The following SORBS2 variants were observed in gnomAD, a reference collection of about 807,000 sequenced individuals.
SORBS2 encodes sorbin and SH3 domain-containing protein 2.
In SORBS2, 46 loss-of-function variants were observed where a neutral mutation model predicts 97.7. The ratio of observed to expected loss-of-function variants is 0.47; its 90% CI spans 0.37 to 0.60. SORBS2 has a LOEUF of 0.60. Ranked by LOEUF, SORBS2 falls within the 20% of genes least tolerant of loss-of-function variation. The pLI, the probability that SORBS2 is intolerant of heterozygous loss-of-function variation, is 0.00. For missense variants in SORBS2, 1,316 were observed against 1,282.3 expected (o/e 1.03, Z -0.40); for synonymous variants, 476 against 473.4 (o/e 1.01, Z -0.07).
chr4:185,614,986 C>T, intron 10 of SORBS2, 27 bp from the exon 23 acceptor site: 1 of 1,614,136 alleles, frequency 6.2e-7, no homozygotes, highest in Non-Finnish European at 8.5e-7. Flanking sequence ...CATTTATTCT[C>T]AAATCTGCGG....
At chr4:185,726,896 C>T (rs1003550430) in intron 2 of SORBS2, among the ~76,000 whole-genome samples, 9 of 152,132 alleles carry the variant, frequency 5.9e-5, no homozygotes, top group Non-Finnish European at 1.3e-4. Context: ...GGGCATGCAT[C>T]TTTAAATAGG....
At chr4:185,624,335 G>A in exon 7 of SORBS2, 4 of 1,614,174 alleles carry the variant, frequency 2.5e-6, no homozygotes, top group Non-Finnish European at 3.4e-6. Flanking sequence ...GTTTTGCCGG[G>A]CCATTTGCCA....
intron 1 of SORBS2, among the ~76,000 whole-genome samples, chr4:185,894,916 G>A (rs919010891): frequency 1.3e-5 from 2 of 152,204 alleles, no homozygotes; most frequent in East Asian, 1.9e-4. Context: ...ATGATCACAC[G>A]GGGAGCCAGT....
At chr4:185,715,407 A>G (rs2098457635) in intron 2 of SORBS2, among the ~76,000 whole-genome samples, 3 of 152,170 alleles carry the variant, frequency 2.0e-5, no homozygotes, top group Admixed American at 2.0e-4. Context: ...CCCTATGAAA[A>G]GGCCAAAGGA....
chr4:185,834,807 A>G (rs1002070352), intron 1 of SORBS2, among the ~76,000 whole-genome samples: 2 of 152,226 alleles, frequency 1.3e-5, no homozygotes, highest in Admixed American at 6.5e-5. Flanking sequence ...ATTGTTTTTC[A>G]AAGCATATTC....
intron 1 of SORBS2, among the ~76,000 whole-genome samples, chr4:185,904,219 A>G (rs2099249399): frequency 6.6e-6 from 1 of 152,188 alleles, no homozygotes; most frequent in African/African-American, 2.4e-5. Context: ...CCTAATGTCT[A>G]CCACCCTTAC....
At chr4:185,774,866 CTCT>C (rs941148804) in intron 2 of SORBS2, 2 of 67,816 alleles carry the variant, frequency 2.9e-5, no homozygotes, top group Non-Finnish European at 6.6e-5. Context: ...CATCTTTTTC[CTCT>C]TTTTTTTTTT....
intron 1 of SORBS2, among the ~76,000 whole-genome samples, chr4:185,848,815 C>A (rs192269815): frequency 6.6e-6 from 1 of 151,550 alleles, no homozygotes; most frequent in South Asian, 2.1e-4. Flanking sequence ...TTTTATCTGA[C>A]GGTTAAGTCT....
intron 1 of SORBS2, among the ~76,000 whole-genome samples, chr4:185,929,875 A>G (rs2099265606): frequency 1.3e-5 from 2 of 152,120 alleles, no homozygotes; most frequent in Admixed American, 1.3e-4. Context: ...CGTGTGTGAC[A>G]CTATGGGTTG....
At chr4:185,848,618 CTTTTTTTTTTTTTTTTTTTTTTTT>C (rs537195530) in intron 1 of SORBS2, among the ~76,000 whole-genome samples, 8 of 75,636 alleles carry the variant, frequency 1.1e-4, no homozygotes, top group African/African-American at 2.3e-4. Context: ...AAGGATATCT[CTTTTTTTTTTTTTTTTTTTTTTTT>C]TTTTTTTTTT....
At chr4:185,805,160 TTATC>T (rs1439285154) in intron 1 of SORBS2, among the ~76,000 whole-genome samples, 1 of 152,176 alleles carries the variant, frequency 6.6e-6, no homozygotes, top group Non-Finnish European at 1.5e-5. Flanking sequence ...CATTTGAGCT[TTATC>T]TATGCTTCTG....
At chr4:185,591,398 G>A (rs1378257437) in intron 13 of SORBS2, among the ~76,000 whole-genome samples, 1 of 152,196 alleles carries the variant, frequency 6.6e-6, no homozygotes, top group Non-Finnish European at 1.5e-5. Flanking sequence ...GCAGAGAAAG[G>A]CAGCTAGCAT....
At chr4:185,783,512 T>G (rs1203394953) in intron 1 of SORBS2, among the ~76,000 whole-genome samples, 1 of 152,158 alleles carries the variant, frequency 6.6e-6, no homozygotes. Flanking sequence ...GTATAGTATA[T>G]TATAGAGAAG....
In SORBS2 at chr4:185,606,391, T is replaced by A; in HGVS notation, c.2796+5389A>T. The A allele has an allele frequency of 3.1e-6, 3 of 963,518 alleles. No individual in the cohort carries two copies. The highest frequency in any genetic ancestry group is 3.7e-6 in the Non-Finnish European group (3 of 810,040). The allele number at this position is 963,518 out of a possible 1,614,324, so 59.7% of individuals were successfully genotyped here. A position where few individuals can be genotyped will look rare whatever the true frequency, so the allele number is the denominator to read the frequency against. ...AGAAAAATGGGATAATGGAATTATA[T>A]CACATATTTACATCATTTAATTAAA... is the stretch of plus-strand genomic sequence containing the variant. On this transcript the variant is annotated intron_variant, in intron 12 of 14. Transcript: ENST00000418609. This position sits in a 1 kb window ranked among gnomAD's most constrained non-coding sequence, Gnocchi z 4.3.
intron 2 of SORBS2, among the ~76,000 whole-genome samples, chr4:185,749,474 T>C (rs777628228): frequency 6.6e-6 from 1 of 152,108 alleles, no homozygotes; most frequent in Non-Finnish European, 1.5e-5. Flanking sequence ...AAAAAACTTT[T>C]AAGATGAAAT....
At chr4:185,843,915 C>T (rs548958823) in intron 1 of SORBS2, among the ~76,000 whole-genome samples, 1 of 152,278 alleles carries the variant, frequency 6.6e-6, no homozygotes, top group East Asian at 1.9e-4. Context: ...ATAGCCTAAG[C>T]AATGTTGAGA....
chr4:185,754,605 G>A (rs2098820135), intron 2 of SORBS2, among the ~76,000 whole-genome samples: 1 of 152,132 alleles, frequency 6.6e-6, no homozygotes, highest in African/African-American at 2.4e-5. Context: ...TTCCAACTGT[G>A]TACAGTCGGC....
chr4:185,643,487 A>G (rs2153451285), intron 4 of SORBS2, among the ~76,000 whole-genome samples: 1 of 152,306 alleles, frequency 6.6e-6, no homozygotes, highest in South Asian at 2.1e-4. Context: ...TTTGAGCTGG[A>G]GGTTTTATAA....
chr4:185,606,392 C>T lies in SORBS2; in HGVS notation c.2796+5388G>A, dbSNP rs2096419137. On this transcript the variant is annotated intron_variant, in intron 12 of 14. Coordinates refer to ENST00000418609, the Ensembl canonical transcript of SORBS2. The surrounding 1 kb of genome is among the most constrained non-coding windows in gnomAD (Gnocchi z 4.3). ...GAAAAATGGGATAATGGAATTATAT[C>T]ACATATTTACATCATTTAATTAAAT... 2 of 960,206 alleles carry T rather than the reference C, an allele frequency of 2.1e-6. No homozygotes were observed. Among genetic ancestry groups the T allele is most frequent in the South Asian group, 4.8e-5 (1 of 20,706 alleles). 59.5% of individuals were successfully genotyped at this position (960,206 alleles called of 1,614,324 possible).
Sources: allele counts gnomAD v4.1 joint callset (sites outside exome capture counted in the v4.1 genomes callset), GRCh38; gene constraint gnomAD v4.1.1; non-coding constraint Gnocchi (gnomAD v3.1); transcripts MANE v1.5; gene names NCBI Gene and HGNC (gene_info 2026-07-23, HGNC 2026-07-21).